Variants in B4GALNT2 observed in about 807,000 individuals in gnomAD.
B4GALNT2 encodes the protein N-acetylneuraminylgalactosylglucosyl-glucoside beta-1,4-N- acetylgalactosaminyltransferase 2.
A neutral mutation model predicts 51.1 loss-of-function variants in B4GALNT2; 42 were observed. That is an observed-to-expected ratio of 0.82 (90% CI 0.64 to 1.06). The LOEUF (loss-of-function observed/expected upper bound fraction) is 1.06, where lower values mean the gene tolerates loss of function less well. Among genes scored for constraint, B4GALNT2 ranks in the 50% least tolerant of loss-of-function variants. The probability of loss-of-function intolerance (pLI) is 0.00; values close to 1 mark genes in which losing one functional copy is unlikely to be tolerated. For missense variants in B4GALNT2, 602 were observed against 633.6 expected, an observed-to-expected ratio of 0.95 and a Z score of 0.54; for synonymous variants, 253 against 251.7, an observed-to-expected ratio of 1.01 and a Z score of -0.05.
intron 3 of B4GALNT2, among the ~76,000 whole-genome samples, chr17:49,145,919 T>C (rs1182264090): frequency 6.6e-6 from 1 of 152,132 alleles, no homozygotes; most frequent in Non-Finnish European, 1.5e-5. Context: ...TTTAATGGAA[T>C]TGTTGTTGTG....
At chr17:49,126,858 C>T in the B4GALNT2 span, among the ~76,000 whole-genome samples, 4 of 151,982 alleles carry the variant, frequency 2.6e-5, no homozygotes, top group Non-Finnish European at 5.9e-5. Context: ...GCCACTACGC[C>T]CAGCTAAATT....
chr17:49,133,985 C>A (rs1567853015), intron 1 of B4GALNT2, among the ~76,000 whole-genome samples: 1 of 152,140 alleles, frequency 6.6e-6, no homozygotes, highest in Non-Finnish European at 1.5e-5. Context: ...AGAGGATTGG[C>A]GGAATGGGGG....
At chr17:49,139,107 C>T (rs946527796) in intron 1 of B4GALNT2, among the ~76,000 whole-genome samples, 2 of 152,162 alleles carry the variant, frequency 1.3e-5, no homozygotes, top group Admixed American at 1.3e-4. Flanking sequence ...TTTTAGTTTT[C>T]TGAATATGTA....
chr17:49,171,179 G>A lies in B4GALNT2; in HGVS notation c.*1451G>A, dbSNP rs529445217. ...CGTTCCCCTTTTTGTTTTCCAAAGT[G>A]ATAAAAGCAAAGGCAGCTTTGTCAT... On this transcript the variant is annotated 3_prime_UTR_variant, in exon 11 of 11. Transcript: ENST00000393354. The A allele has an allele frequency of 4.2e-4, 93 of 222,642 alleles. No homozygotes were observed. Among genetic ancestry groups the A allele is most frequent in the Non-Finnish European group, 7.4e-4 (82 of 111,370 alleles). 13.8% of individuals were successfully genotyped at this position (222,642 alleles called of 1,614,324 possible). A position where few individuals can be genotyped will look rare whatever the true frequency, so the allele number is the denominator to read the frequency against.
Position 49,152,728 on chromosome 17 carries a change from G to T in B4GALNT2, c.354-72G>T, listed in dbSNP as rs1598207514. On this transcript the variant is annotated intron_variant, in intron 3 of 10. Coordinates refer to ENST00000393354, the MANE Select transcript of B4GALNT2 (RefSeq NM_001159387.2). ...TTGTCAGGGCAAGGCTCTGTGCACA[G>T]GCACCACTTTGAGAACGAACCAGGG... is the stretch of plus-strand genomic sequence containing the variant. The T allele has an allele frequency of 6.4e-6, 7 of 1,091,410 alleles. No individual in the cohort carries two copies. The East Asian group carries it at 1.8e-4, about 29-fold the overall frequency. The allele number at this position is 1,091,410 out of a possible 1,614,324, so 67.6% of individuals were successfully genotyped here.
At chr17:49,131,286 G>A (rs575626914), upstream of B4GALNT2, among the ~76,000 whole-genome samples, 1 of 152,022 alleles carries the variant, frequency 6.6e-6, no homozygotes, top group Admixed American at 6.6e-5. Context: ...TTTCCAGTCT[G>A]GAGCTAGAAA....
At chr17:49,141,983 C>T in intron 2 of B4GALNT2, 52 bp from the exon 3 acceptor site, 1 of 1,607,838 alleles carries the variant, frequency 6.2e-7, no homozygotes, top group South Asian at 1.1e-5. Flanking sequence ...TTTCCTCTCA[C>T]CCACCAGCCT....
chr17:49,131,919 G>T (rs1376377210), upstream of B4GALNT2, among the ~76,000 whole-genome samples: 1 of 152,130 alleles, frequency 6.6e-6, no homozygotes, highest in African/African-American at 2.4e-5. Flanking sequence ...GATTGCTTGA[G>T]CTTAGGAGTT....
chr17:49,135,785 C>A (rs182363241), intron 1 of B4GALNT2, among the ~76,000 whole-genome samples: 1 of 151,350 alleles, frequency 6.6e-6, no homozygotes, highest in African/African-American at 2.4e-5. Context: ...AAATCCTGGC[C>A]CGGCATGGTG....
At chr17:49,147,976 A>G (rs2042712746) in intron 3 of B4GALNT2, among the ~76,000 whole-genome samples, 5 of 150,910 alleles carry the variant, frequency 3.3e-5, no homozygotes, top group Admixed American at 3.3e-4. Context: ...TTATATATAT[A>G]TATATATATT....
chr17:49,125,766 G>A, the B4GALNT2 span, among the ~76,000 whole-genome samples: 8 of 93,544 alleles, frequency 8.6e-5, no homozygotes, highest in African/African-American at 1.2e-4. Context: ...TCAGCCCCCC[G>A]CCCGTCCGGC....
At chr17:49,140,709 C>T (rs975466784) in intron 1 of B4GALNT2, among the ~76,000 whole-genome samples, 1 of 144,676 alleles carries the variant, frequency 6.9e-6, no homozygotes, top group Non-Finnish European at 1.5e-5. Context: ...GCTATGCTGA[C>T]ATTAACATTA....
chr17:49,153,025 AGCAGGAGTTCAAGACT>A, intron 4 of B4GALNT2, 119 bp downstream of exon 4: 1 of 885,568 alleles, frequency 1.1e-6, no homozygotes, highest in Non-Finnish European at 1.8e-6. Context: ...GGGAGTCCAA[AGCAGGAGTTCAAGACT>A]GCAGTGAGCT....
At chr17:49,126,974 G>C in the B4GALNT2 span, among the ~76,000 whole-genome samples, 1 of 152,160 alleles carries the variant, frequency 6.6e-6, no homozygotes, top group Admixed American at 6.5e-5. Flanking sequence ...AAAGTGCTGG[G>C]ATTACAGGCA....
chr17:49,126,046 G>A, the B4GALNT2 span, among the ~76,000 whole-genome samples: 1 of 151,892 alleles, frequency 6.6e-6, no homozygotes, highest in Non-Finnish European at 1.5e-5. Context: ...TGGCGGTTTT[G>A]TGGAATAGAA....
At chr17:49,131,462 GAAAAAAAAAAA>G (rs367790096), upstream of B4GALNT2, among the ~76,000 whole-genome samples, 102 of 100,282 alleles carry the variant, frequency 1.0e-3, no homozygotes, top group Non-Finnish European at 1.1e-3. Flanking sequence ...CCCAGACTCC[GAAAAAAAAAAA>G]AAAAAAAAAA....
chr17:49,140,335 C>T (rs2042631029), intron 1 of B4GALNT2, among the ~76,000 whole-genome samples: 1 of 152,004 alleles, frequency 6.6e-6, no homozygotes, highest in Non-Finnish European at 1.5e-5. Flanking sequence ...CTCCTGACCT[C>T]GTGATCCACC....
intron 7 of B4GALNT2, 109 bp from the exon 8 acceptor site, chr17:49,163,979 C>T (rs994248417): frequency 4.2e-5 from 46 of 1,090,280 alleles, no homozygotes; most frequent in Middle Eastern, 2.4e-4. Flanking sequence ...GGCATGAGAC[C>T]CACAGACACT....
Position 49,170,409 on chromosome 17 carries a change from C to T in B4GALNT2, c.*681C>T, listed in dbSNP as rs1475450662. On this transcript the variant is annotated 3_prime_UTR_variant, in exon 11 of 11. Coordinates refer to ENST00000393354, the MANE Select transcript of B4GALNT2 (RefSeq NM_001159387.2). Reference sequence around the variant, plus strand: ...GGGGCCATCCCACTGTCCACCAGAACAAAGGCTGCCCTGGCATCAGACTCA... The same window carrying T: ...GGGGCCATCCCACTGTCCACCAGAATAAAGGCTGCCCTGGCATCAGACTCA... 1.3e-5 allele frequency: 2 copies of T among 152,324 alleles called. No individual in the cohort carries two copies. The highest frequency in any genetic ancestry group is 1.3e-4 in the Admixed American group (2 of 15,290). 9.4% of individuals were successfully genotyped at this position (152,324 alleles called of 1,614,324 possible). A position where few individuals can be genotyped will look rare whatever the true frequency, so the allele number is the denominator to read the frequency against.
Sources: gnomAD v4.1 joint callset for allele counts (sites outside exome capture counted in the v4.1 genomes callset) on GRCh38, gnomAD v4.1.1 for gene constraint, MANE v1.5 for transcripts, NCBI Gene and HGNC (gene_info 2026-07-23, HGNC 2026-07-21) for gene names.